Variants in ZFYVE9 observed in about 807,000 individuals in gnomAD.
ZFYVE9 encodes the protein zinc finger FYVE-type containing 9.
A neutral mutation model predicts 126.7 loss-of-function variants in ZFYVE9; 43 were observed. The observed-to-expected ratio is 0.34, with a 90% CI of 0.27 to 0.44. The LOEUF (loss-of-function observed/expected upper bound fraction) is 0.44, where lower values mean the gene tolerates loss of function less well. Among genes scored for constraint, ZFYVE9 ranks in the 20% least tolerant of loss-of-function variants. The pLI, the probability that ZFYVE9 is intolerant of heterozygous loss-of-function variation, is 1.00. For missense variants in ZFYVE9, 1,476 were observed against 1,697.0 expected (o/e 0.87, Z 2.29); for synonymous variants, 521 against 597.4 (o/e 0.87, Z 1.87).
At chr1:52,299,712 T>G (rs943453285) in intron 12 of ZFYVE9, among the ~76,000 whole-genome samples, 1 of 152,180 alleles carries the variant, frequency 6.6e-6, no homozygotes, top group Non-Finnish European at 1.5e-5. Context: ...TCTCAGCAGC[T>G]GGATGATGGT....
At chr1:52,309,165 AATG>A (rs1273542531) in intron 13 of ZFYVE9, among the ~76,000 whole-genome samples, 7 of 152,138 alleles carry the variant, frequency 4.6e-5, no homozygotes, top group African/African-American at 1.7e-4. Flanking sequence ...ATGGATAATG[AATG>A]ATAACTAGGC....
chr1:52,319,877 G>A (rs1480722435), intron 13 of ZFYVE9, among the ~76,000 whole-genome samples: 1 of 150,334 alleles, frequency 6.7e-6, no homozygotes, highest in Non-Finnish European at 1.5e-5. Flanking sequence ...GCTGGGCGTG[G>A]TAATGTGTGC....
chr1:52,329,397 C>T (rs1358493095), intron 13 of ZFYVE9, among the ~76,000 whole-genome samples: 4 of 152,044 alleles, frequency 2.6e-5, no homozygotes, highest in East Asian at 1.9e-4. Flanking sequence ...AGCTATTAGA[C>T]GAAAACAGTA....
rs1395855989 is a variant in ZFYVE9 at position 52,340,913 on chromosome 1, A to C, written c.3939+682A>C. On this transcript the variant is annotated intron_variant, in intron 17 of 18. Coordinates refer to ENST00000287727, the MANE Select transcript of ZFYVE9 (RefSeq NM_004799.4). ...GAGCAAGACTCCGTCTCAAAAAAAA[A>C]AAAAAAAAAAAAAAAAAAAACTAGG... 2.6e-3 allele frequency among the ~76,000 whole-genome samples: 337 copies of C among 131,540 alleles called. 7 individuals carry two copies. The South Asian group carries it at 0.033, about 13-fold the overall frequency. 86.3% of individuals were successfully genotyped at this position (131,540 alleles called of 152,430 possible).
intron 1 of ZFYVE9, among the ~76,000 whole-genome samples, chr1:52,157,312 T>C (rs912930695): frequency 3.3e-5 from 5 of 151,830 alleles, no homozygotes; most frequent in African/African-American, 1.2e-4. Context: ...CTTATCCAAT[T>C]CTGGCCTTGT....
intron 8 of ZFYVE9, 121 bp from the exon 9 acceptor site, chr1:52,278,371 C>T (rs1274529238): frequency 2.4e-6 from 3 of 1,271,744 alleles, no homozygotes; most frequent in Non-Finnish European, 3.4e-6. Context: ...GCTCTGTATG[C>T]ACCTATTGAT....
chr1:52,229,008 A>G (rs1485475248), intron 2 of ZFYVE9, among the ~76,000 whole-genome samples: 2 of 150,940 alleles, frequency 1.3e-5, no homozygotes, highest in African/African-American at 2.4e-5. Flanking sequence ...TCCTACCTCA[A>G]CCTCTTGAGT....
At chr1:52,332,701 G>GAGTT in intron 13 of ZFYVE9, 67 bp from the exon 14 acceptor site, 4 of 1,554,994 alleles carry the variant, frequency 2.6e-6, no homozygotes, top group Non-Finnish European at 3.5e-6. Context: ...TGAGAAGATG[G>GAGTT]AGTTGCACCA....
chr1:52,297,236 A>C (rs947451056), intron 12 of ZFYVE9, among the ~76,000 whole-genome samples: 1 of 151,124 alleles, frequency 6.6e-6, no homozygotes, highest in Non-Finnish European at 1.5e-5. Context: ...CATGAAAAAA[A>C]CATTTCTTTT....
intron 1 of ZFYVE9, among the ~76,000 whole-genome samples, chr1:52,165,313 G>C (rs984902776): frequency 6.6e-6 from 1 of 152,144 alleles, no homozygotes; most frequent in African/African-American, 2.4e-5. Flanking sequence ...GGAACTATCA[G>C]TGTAATTAGA....
chr1:52,342,443 T>C (rs900988224), intron 17 of ZFYVE9, among the ~76,000 whole-genome samples: 5 of 151,758 alleles, frequency 3.3e-5, no homozygotes, highest in African/African-American at 1.2e-4. Context: ...TTTTTTTTTT[T>C]GTATTTTTAG....
At chr1:52,325,396 T>C (rs1246434935) in intron 13 of ZFYVE9, among the ~76,000 whole-genome samples, 1 of 152,046 alleles carries the variant, frequency 6.6e-6, no homozygotes. Context: ...GGCACATACC[T>C]GTAGTCCCAA....
At chr1:52,181,344 C>T (rs991995043) in intron 1 of ZFYVE9, among the ~76,000 whole-genome samples, 43 of 152,350 alleles carry the variant, frequency 2.8e-4, no homozygotes, top group African/African-American at 7.5e-4. Context: ...CTCGGCCTCC[C>T]GAGGTGCTGG....
At chr1:52,307,749 CTTCTTTTTTT>C (rs924570736) in intron 13 of ZFYVE9, among the ~76,000 whole-genome samples, 4 of 148,146 alleles carry the variant, frequency 2.7e-5, no homozygotes, top group Admixed American at 6.7e-5. Context: ...TTTCTTTTTT[CTTCTTTTTTT>C]TTTTTTTTCT....
chr1:52,165,342 C>T (rs1644503037), intron 1 of ZFYVE9, among the ~76,000 whole-genome samples: 2 of 152,002 alleles, frequency 1.3e-5, no homozygotes, highest in Admixed American at 6.6e-5. Flanking sequence ...AAAGAGATCA[C>T]TAGAAAAAGG....
chr1:52,224,337 T>C (rs1645150653), intron 2 of ZFYVE9, among the ~76,000 whole-genome samples: 1 of 152,024 alleles, frequency 6.6e-6, no homozygotes. Flanking sequence ...GGACTGAGTG[T>C]TCCACTTAGG....
intron 4 of ZFYVE9, chr1:52,252,843 A>C: frequency 3.6e-6 from 1 of 281,020 alleles, no homozygotes; most frequent in South Asian, 3.4e-5. Flanking sequence ...ACAATGACAC[A>C]CCTTTACCAG....
intron 13 of ZFYVE9, 21 bp from the exon 14 acceptor site, chr1:52,332,747 A>G: frequency 6.2e-7 from 1 of 1,609,492 alleles, no homozygotes; most frequent in Non-Finnish European, 8.5e-7. Context: ...TGTCAGAATA[A>G]GGTTATCTCT....
At chr1:52,208,134 A>C (rs1167600362) in intron 1 of ZFYVE9, among the ~76,000 whole-genome samples, 2 of 152,194 alleles carry the variant, frequency 1.3e-5, no homozygotes, top group Non-Finnish European at 2.9e-5. Flanking sequence ...AAGCCTGGGC[A>C]ACACAGCAGA....
Sources: gnomAD v4.1 joint callset for allele counts (sites outside exome capture counted in the v4.1 genomes callset) on GRCh38, gnomAD v4.1.1 for gene constraint, MANE v1.5 for transcripts, NCBI Gene and HGNC (gene_info 2026-07-23, HGNC 2026-07-21) for gene names.